ABCC12: variants seen among roughly 807,000 people sequenced by gnomAD.
The protein encoded by ABCC12 is ATP binding cassette subfamily C member 12, also known as ATP-binding cassette sub-family C member 12.
A neutral mutation model predicts 151.1 loss-of-function variants in ABCC12; 142 were observed. The ratio of observed to expected loss-of-function variants is 0.94; its 90% CI spans 0.82 to 1.08. The LOEUF is 1.08. Ranked by LOEUF, ABCC12 falls within the 50% of genes least tolerant of loss-of-function variation. The pLI, the probability that ABCC12 is intolerant of heterozygous loss-of-function variation, is 0.00. For synonymous variants in ABCC12, 645 were observed against 646.4 expected, an observed-to-expected ratio of 1.00 and a Z score of 0.03; for missense variants, 1,638 against 1,691.1, an observed-to-expected ratio of 0.97 and a Z score of 0.55.
At chr16:48,121,355 C>T in intron 13 of ABCC12, 1 of 181,270 alleles carries the variant, frequency 5.5e-6, no homozygotes, top group Non-Finnish European at 1.2e-5. Context: ...TACATACTTG[C>T]TCATGATTCT....
Position 48,128,713 on chromosome 16 carries a change from G to C in ABCC12, c.1261C>G (p.Pro421Ala). 1 of 1,613,534 alleles carries C rather than the reference G, an allele frequency of 6.2e-7. No individual in the cohort carries two copies. The highest frequency in any genetic ancestry group is 8.5e-7 in the Non-Finnish European group (1 of 1,179,914). ...TCTTCTGGTTGGGTGATGTAAGATGGGGGGCTTTTATCTATGAGAATTTTC... is the reference window on the plus strand; with the variant it reads ...TCTTCTGGTTGGGTGATGTAAGATGCGGGGCTTTTATCTATGAGAATTTTC... ...MKKILIDKSP[P>A]SYITQPEDPD... The change falls in exon 11 of 31, where the codon CCA becomes GCA. Residue 421 changes from proline to alanine, a missense_variant. Coordinates refer to ENST00000311303, the MANE Select transcript of ABCC12 (RefSeq NM_001393797.1).
chr16:48,133,544 A>T (rs1964502416), intron 9 of ABCC12, 143 bp downstream of exon 9: 18 of 896,726 alleles, frequency 2.0e-5, no homozygotes, highest in Non-Finnish European at 2.9e-5. Context: ...AAAAAAAAAA[A>T]GTTGGAGTTG....
intron 27 of ABCC12, 136 bp downstream of exon 27, chr16:48,087,790 T>G: frequency 1.1e-6 from 1 of 921,416 alleles, no homozygotes; most frequent in South Asian, 1.9e-5. Flanking sequence ...GCAGTGCTTG[T>G]GAGCCCCCCT....
At chr16:48,114,647 C>A (rs181591694) in intron 15 of ABCC12, among the ~76,000 whole-genome samples, 2 of 152,184 alleles carry the variant, frequency 1.3e-5, no homozygotes, top group Non-Finnish European at 2.9e-5. Flanking sequence ...CACTGCCCCC[C>A]CTTCCCCCAC....
At chr16:48,148,634 C>G (rs1426917519) in intron 2 of ABCC12, among the ~76,000 whole-genome samples, 1 of 152,092 alleles carries the variant, frequency 6.6e-6, no homozygotes, top group African/African-American at 2.4e-5. Context: ...CCCTAAACCT[C>G]TGGCCAAACT....
Position 48,083,479 on chromosome 16 carries a change from T to G in ABCC12, c.*236A>C. ...GATTTGGGAGGTGAAGGGCAGTTTT[T>G]TAATCCATTAGCTGGGTCTGCCCCG... is the stretch of plus-strand genomic sequence containing the variant. On this transcript the variant is annotated 3_prime_UTR_variant, in exon 31 of 31. Coordinates refer to ENST00000311303, the MANE Select transcript of ABCC12 (RefSeq NM_001393797.1). The G allele has an allele frequency of 2.1e-6, 1 of 482,404 alleles. No individual in the cohort carries two copies. The highest frequency in any genetic ancestry group is 3.5e-5 in the East Asian group (1 of 28,190). The allele number at this position is 482,404 out of a possible 1,614,324, so 29.9% of individuals were successfully genotyped here.
At chr16:48,147,381 G>C (rs1965038062) in intron 2 of ABCC12, among the ~76,000 whole-genome samples, 1 of 152,096 alleles carries the variant, frequency 6.6e-6, no homozygotes, top group African/African-American at 2.4e-5. Flanking sequence ...TTTTACCTAA[G>C]GTATGTTGAG....
intron 12 of ABCC12, 113 bp from the exon 13 acceptor site, chr16:48,121,953 A>C: frequency 6.8e-7 from 1 of 1,479,458 alleles, no homozygotes; most frequent in Non-Finnish European, 9.1e-7. Flanking sequence ...ATGAAGGCAC[A>C]AAAGCGTTGA....
intron 18 of ABCC12, among the ~76,000 whole-genome samples, chr16:48,109,438 T>C (rs539447058): frequency 2.6e-5 from 4 of 152,298 alleles, no homozygotes; most frequent in Non-Finnish European, 5.9e-5. Context: ...GCATGTCTCT[T>C]CCGCTCCTCC....
rs760056921 is a variant in ABCC12 at position 48,133,692 on chromosome 16, G to A, written c.1123C>T (p.Pro375Ser). The A allele has an allele frequency of 1.9e-6, 3 of 1,613,790 alleles. No homozygotes were observed. Among genetic ancestry groups the A allele is most frequent in the Admixed American group, 1.7e-5 (1 of 59,986 alleles). ...GATCTGGAGCCAGCTCTTACCACGG[G>A]TGCGGTGAGTTTGCGTCTCAGGAGG... Reference protein sequence around the residue: ...HILLRRKLTAPVAFSVIAMFN... With the variant: ...HILLRRKLTASVAFSVIAMFN... Residue 375 changes from proline (P) to serine (S), a missense_variant, in exon 9 of 31, where the codon CCC becomes TCC. Transcript: ENST00000311303.
In ABCC12 at chr16:48,104,231, CA is replaced by C. The variant is rs904993671; in HGVS notation, c.2810del (p.Val937GlyfsTer6). 3.7e-6 allele frequency: 6 copies of C among 1,614,066 alleles called. No individual in the cohort carries two copies. In the South Asian group the frequency reaches 6.6e-5, roughly 18 times the overall value. On this transcript the variant is annotated frameshift_variant, in exon 22 of 31. Coordinates refer to ENST00000311303, the MANE Select transcript of ABCC12 (RefSeq NM_001393797.1). LOFTEE classifies it high-confidence loss of function. Reference sequence around the variant, plus strand: ...CAGCCAAGATCACGAGAATAAACACCACCATAAAAAACTGCTGCAGAAAGTT... The same window carrying C: ...CAGCCAAGATCACGAGAATAAACACCCCATAAAAAACTGCTGCAGAAAGTT... The part of the protein sequence containing the change: ...AENFLQQFFM[V>X]VFILVILAAV...
intron 8 of ABCC12, among the ~76,000 whole-genome samples, chr16:48,137,499 C>T (rs922892615): frequency 1.1e-4 from 16 of 152,108 alleles, no homozygotes; most frequent in African/African-American, 3.6e-4. Context: ...CTGCTGGGGT[C>T]CCAACCTGGG....
chr16:48,103,825 G>A (rs1963388032), intron 22 of ABCC12, among the ~76,000 whole-genome samples: 1 of 152,198 alleles, frequency 6.6e-6, no homozygotes, highest in African/African-American at 2.4e-5. Flanking sequence ...GGTTAGGGTG[G>A]CGGTTATTTC....
intron 24 of ABCC12, among the ~76,000 whole-genome samples, chr16:48,095,909 A>C (rs1176529776): frequency 6.6e-6 from 1 of 152,172 alleles, no homozygotes; most frequent in Non-Finnish European, 1.5e-5. Flanking sequence ...AAAGTTTCCA[A>C]AGATAACAAG....
chr16:48,135,328 G>A (rs1023641023), intron 8 of ABCC12, among the ~76,000 whole-genome samples: 4 of 152,116 alleles, frequency 2.6e-5, no homozygotes, highest in African/African-American at 4.8e-5. Flanking sequence ...GCCACAGTTC[G>A]GTCCAGTAAC....
intron 1 of ABCC12, among the ~76,000 whole-genome samples, chr16:48,154,450 AC>A (rs1308758685): frequency 7.2e-5 from 11 of 152,128 alleles, no homozygotes; most frequent in Non-Finnish European, 1.6e-4. Flanking sequence ...CAATCCACTT[AC>A]GTTGAGCACG....
In ABCC12 at chr16:48,083,753, C is replaced by T. The variant is rs1231458008; in HGVS notation, c.4042G>A (p.Ala1348Thr). 8 of 1,614,088 alleles carry T rather than the reference C, an allele frequency of 5.0e-6. No homozygotes were observed. The highest frequency in any genetic ancestry group is 4.0e-5 in the African/African-American group (3 of 74,934). Residue 1348 changes from alanine (A) to threonine (T), a missense_variant, in exon 31 of 31, where the codon GCA becomes ACA. Coordinates refer to ENST00000311303, the MANE Select transcript of ABCC12 (RefSeq NM_001393797.1). ...PEVLAEKPDS[A>T]FAMLLAAEVR... ...TCTGCTGCTAGTAACATCGCAAATG[C>T]AGAATCTGGCTTCTCTGCAAGGACT...
At chr16:48,146,808 G>T in intron 2 of ABCC12, 1 of 211,798 alleles carries the variant, frequency 4.7e-6, no homozygotes, top group South Asian at 8.8e-5. Flanking sequence ...AAGAAAATGG[G>T]TTTTCTTAGT....
intron 22 of ABCC12, among the ~76,000 whole-genome samples, chr16:48,102,317 A>G (rs981055903): frequency 6.6e-6 from 1 of 152,254 alleles, no homozygotes; most frequent in African/African-American, 2.4e-5. Flanking sequence ...CAAGTGGCCA[A>G]TGGGAAACCT....
Sources: allele counts gnomAD v4.1 joint callset (sites outside exome capture counted in the v4.1 genomes callset), GRCh38; gene constraint gnomAD v4.1.1; transcripts MANE v1.5; gene names NCBI Gene and HGNC (gene_info 2026-07-23, HGNC 2026-07-21).